The following NXPE2 variants were observed in gnomAD, a reference collection of about 807,000 sequenced individuals.
NXPE2 encodes the protein neurexophilin and PC-esterase domain family member 2.
A neutral mutation model predicts 34.4 loss-of-function variants in NXPE2; 34 were observed. The ratio of observed to expected loss-of-function variants is 0.99; its 90% CI spans 0.75 to 1.31. The LOEUF is 1.31. Ranked by LOEUF, NXPE2 falls within the 40% of genes most tolerant of loss-of-function variation. The pLI, the probability that NXPE2 is intolerant of heterozygous loss-of-function variation, is 0.00. For synonymous variants in NXPE2, 235 were observed against 231.3 expected (o/e 1.02, Z -0.15); for missense variants, 649 against 672.5 (o/e 0.97, Z 0.39).
At chr11:114,493,246 G>A in the NXPE2 span, among the ~76,000 whole-genome samples, 1 of 152,052 alleles carries the variant, frequency 6.6e-6, no homozygotes, top group South Asian at 2.1e-4. Flanking sequence ...AGATTATTTT[G>A]TCTTTTTGTT....
the NXPE2 span, among the ~76,000 whole-genome samples, chr11:114,736,021 A>G: frequency 2.0e-5 from 3 of 152,204 alleles, no homozygotes; most frequent in East Asian, 5.8e-4. Context: ...CCCCTGAGCC[A>G]TAAAACCAGC....
the NXPE2 span, among the ~76,000 whole-genome samples, chr11:114,648,621 G>A: frequency 6.6e-6 from 1 of 152,092 alleles, no homozygotes; most frequent in African/African-American, 2.4e-5. Flanking sequence ...TAATCATCGT[G>A]TCTACACTTG....
At chr11:114,475,226 GTTTTTTTTTTTTTTTTTT>G in the NXPE2 span, among the ~76,000 whole-genome samples, 187 of 88,044 alleles carry the variant, frequency 2.1e-3, 2 homozygotes, top group African/African-American at 6.0e-3. Flanking sequence ...AATGTGAACT[GTTTTTTTTTTTTTTTTTT>G]TTTTTTTTTT....
the NXPE2 span, among the ~76,000 whole-genome samples, chr11:114,604,382 G>A: frequency 5.3e-5 from 8 of 151,976 alleles, no homozygotes; most frequent in East Asian, 1.2e-3. Flanking sequence ...TGCCTCGTGG[G>A]TAACCACTGT....
chr11:114,806,592 A>G, the NXPE2 span, among the ~76,000 whole-genome samples: 22,767 of 152,236 alleles, frequency 0.15, 1,718 homozygotes, highest in South Asian at 0.19. Flanking sequence ...AAGAAAGGGT[A>G]TCAGTGATGG....
the NXPE2 span, among the ~76,000 whole-genome samples, chr11:114,636,664 C>G: frequency 1.3e-5 from 2 of 151,950 alleles, no homozygotes; most frequent in Non-Finnish European, 2.9e-5. Flanking sequence ...TACGTTGTGT[C>G]TTTGTTCTCA....
chr11:114,678,762 C>T (rs907878467), intron 1 of NXPE2, among the ~76,000 whole-genome samples, 161 bp downstream of exon 1: 3 of 151,822 alleles, frequency 2.0e-5, no homozygotes, highest in Non-Finnish European at 4.4e-5. Flanking sequence ...GAATACAATT[C>T]AATGGAATAA....
chr11:114,565,649 T>C, the NXPE2 span, among the ~76,000 whole-genome samples: 2 of 151,646 alleles, frequency 1.3e-5, no homozygotes, highest in African/African-American at 4.9e-5. Context: ...CATTGTGTGG[T>C]CAGGAAAACT....
the NXPE2 span, among the ~76,000 whole-genome samples, chr11:114,478,982 C>G: frequency 1.3e-5 from 2 of 152,138 alleles, no homozygotes; most frequent in Admixed American, 6.6e-5. Flanking sequence ...ATGAGTGTGA[C>G]TCATGGAAAA....
At chr11:114,720,608 G>C in the NXPE2 span, among the ~76,000 whole-genome samples, 1 of 137,932 alleles carries the variant, frequency 7.2e-6, no homozygotes, top group Non-Finnish European at 1.6e-5. Flanking sequence ...AGTGTAAAGT[G>C]ATCACCAGAT....
At chr11:114,556,712 G>C in the NXPE2 span, among the ~76,000 whole-genome samples, 1 of 151,652 alleles carries the variant, frequency 6.6e-6, no homozygotes, top group African/African-American at 2.4e-5. Flanking sequence ...TTTTTCCAGA[G>C]TTTAATACTG....
chr11:114,666,007 C>T, the NXPE2 span, among the ~76,000 whole-genome samples: 6 of 152,208 alleles, frequency 3.9e-5, no homozygotes, highest in Admixed American at 2.6e-4. Flanking sequence ...GTTTCCGATT[C>T]CAGTGCCCTT....
chr11:114,491,602 G>T, the NXPE2 span, among the ~76,000 whole-genome samples: 74 of 152,136 alleles, frequency 4.9e-4, 3 homozygotes, highest in Admixed American at 4.8e-3. Context: ...TCAGTGTGGC[G>T]ATTCCTCAGG....
At chr11:114,695,933 G>A (rs1951243718) in intron 2 of NXPE2, among the ~76,000 whole-genome samples, 2 of 151,886 alleles carry the variant, frequency 1.3e-5, no homozygotes, top group African/African-American at 4.8e-5. Context: ...CAGGAGAATT[G>A]CTTGAACCCG....
the NXPE2 span, among the ~76,000 whole-genome samples, chr11:114,631,790 T>A: frequency 6.6e-6 from 1 of 151,812 alleles, no homozygotes; most frequent in South Asian, 2.1e-4. Context: ...GAGTAATCAC[T>A]GTTACCCAGT....
the NXPE2 span, chr11:114,582,547 G>A: frequency 6.2e-7 from 1 of 1,614,152 alleles, no homozygotes; most frequent in Admixed American, 1.7e-5. Context: ...GCACTCCAGA[G>A]AGCTGACACC....
chr11:114,582,799 G>A, the NXPE2 span: 2 of 1,614,156 alleles, frequency 1.2e-6, no homozygotes, highest in Non-Finnish European at 1.7e-6. Context: ...GTATCTCGAG[G>A]GTTGAGGATG....
chr11:114,768,048 A>C, the NXPE2 span, among the ~76,000 whole-genome samples: 1,683 of 152,218 alleles, frequency 0.011, 24 homozygotes, highest in African/African-American at 0.037. Context: ...AAGAACCTGG[A>C]ACATTTAAGT....
chr11:114,777,432 G>C, the NXPE2 span, among the ~76,000 whole-genome samples: 1 of 152,210 alleles, frequency 6.6e-6, no homozygotes, highest in Non-Finnish European at 1.5e-5. Flanking sequence ...AGAATGAGGA[G>C]ATAAAAACTG....
Sources: gnomAD v4.1 joint callset for allele counts (sites outside exome capture counted in the v4.1 genomes callset) on GRCh38, gnomAD v4.1.1 for gene constraint, MANE v1.5 for transcripts, NCBI Gene and HGNC (gene_info 2026-07-23, HGNC 2026-07-21) for gene names.